The following POU3F3 variants were observed in gnomAD, a reference collection of about 807,000 sequenced individuals.
POU3F3 encodes the protein POU domain, class 3, transcription factor 3.
A neutral mutation model predicts 8.6 loss-of-function variants in POU3F3; 1 was observed. The observed-to-expected ratio is 0.12, with a 90% CI of 0.04 to 0.55. POU3F3 has a LOEUF of 0.55. POU3F3 is among the 20% of genes least tolerant of loss of function. The pLI, the probability that POU3F3 is intolerant of heterozygous loss-of-function variation, is 0.91. For synonymous variants in POU3F3, 418 were observed against 327.4 expected (o/e 1.28, Z -2.99); for missense variants, 577 against 690.7 (o/e 0.84, Z 1.84).
chr2:104,891,595 G>A, the POU3F3 span, among the ~76,000 whole-genome samples: 4 of 152,300 alleles, frequency 2.6e-5, no homozygotes, highest in East Asian at 7.7e-4. Flanking sequence ...AAATCCTGAA[G>A]AGGGGCTTCG....
chr2:104,855,908 C>A lies in POU3F3; in HGVS notation c.398C>A (p.Pro133His), dbSNP rs1212571227. The change falls in exon 1 of 1, where the codon CCC (proline) becomes CAC (histidine). Residue 133 changes from proline to histidine, a missense_variant. Pro to His is a moderately conservative substitution (Grantham distance 77). Transcript: ENST00000361360. ...AGCGCCGTGGGCATGGCTGGCAGCC[C>A]CCAGCAGCCACCGCAGCCGCCGCCG... ...SGSAVGMAGS[P>H]QQPPQPPPPP... 18 of 1,070,924 alleles carry A rather than the reference C, an allele frequency of 1.7e-5. No homozygotes were observed. Among genetic ancestry groups the A allele is most frequent in the Non-Finnish European group, 1.9e-5 (17 of 885,660 alleles). 66.3% of individuals were successfully genotyped at this position (1,070,924 alleles called of 1,614,324 possible).
chr2:104,917,151 C>G, the POU3F3 span, among the ~76,000 whole-genome samples: 2 of 152,224 alleles, frequency 1.3e-5, no homozygotes, highest in Non-Finnish European at 2.9e-5. Flanking sequence ...GAGACCCACA[C>G]CACTAGCTTT....
the POU3F3 span, among the ~76,000 whole-genome samples, chr2:104,917,904 A>G: frequency 6.6e-6 from 1 of 152,154 alleles, no homozygotes; most frequent in Non-Finnish European, 1.5e-5. Context: ...GAAGAAAGAT[A>G]TATTATCCTC....
At chr2:104,897,551 C>T in the POU3F3 span, among the ~76,000 whole-genome samples, 578 of 152,326 alleles carry the variant, frequency 3.8e-3, 3 homozygotes, top group African/African-American at 0.013. Context: ...CACAAGCCCA[C>T]TTAGTGGTGA....
downstream of POU3F3, among the ~76,000 whole-genome samples, chr2:104,861,329 A>G (rs919200615): frequency 4.6e-5 from 7 of 152,242 alleles, no homozygotes. Flanking sequence ...AAATGGATGC[A>G]ACAAGTATTG....
the POU3F3 span, chr2:104,872,253 G>A: frequency 2.4e-5 from 11 of 456,480 alleles, no homozygotes; most frequent in Non-Finnish European, 4.8e-5. This position sits in a 1 kb window ranked among gnomAD's most constrained non-coding sequence, Gnocchi z 4.6. Context: ...CACCCGGCAC[G>A]GTCCTTCCAT....
the POU3F3 span, among the ~76,000 whole-genome samples, chr2:104,883,555 C>T: frequency 6.6e-6 from 1 of 152,198 alleles, no homozygotes; most frequent in African/African-American, 2.4e-5. Flanking sequence ...GATTACACAG[C>T]AGCTTTGGAC....
the POU3F3 span, among the ~76,000 whole-genome samples, chr2:104,920,160 G>A: frequency 1.3e-3 from 194 of 152,242 alleles, no homozygotes; most frequent in Non-Finnish European, 2.0e-3. Flanking sequence ...AATTACAGGC[G>A]CATGCCATCA....
chr2:104,863,451 C>A (rs987569194), downstream of POU3F3, among the ~76,000 whole-genome samples: 2 of 152,034 alleles, frequency 1.3e-5, no homozygotes, highest in African/African-American at 4.8e-5. Context: ...TGGGTCTCTG[C>A]GCGACGTTTG....
At position 104,856,839 on chromosome 2, in the gene POU3F3, G is replaced by A. The variant is rs1676575568; in HGVS notation, c.1329G>A (p.Leu443=). Residue 443 remains leucine, a synonymous_variant, in exon 1 of 1, where the codon CTG becomes CTA. Coordinates refer to ENST00000361360, the MANE Select transcript of POU3F3 (RefSeq NM_006236.3). ...AGATCACCAACCTGGCCGACAGCCT[G>A]CAGCTCGAGAAGGAGGTGGTGCGGG... ...AQEITNLADS[L]QLEKEVVRVW... 5.0e-6 allele frequency: 8 copies of A among 1,614,110 alleles called. No homozygotes were observed. Among genetic ancestry groups the A allele is most frequent in the South Asian group, 4.4e-5 (4 of 91,090 alleles).
chr2:104,922,204 G>T, the POU3F3 span, among the ~76,000 whole-genome samples: 1 of 151,870 alleles, frequency 6.6e-6, no homozygotes, highest in East Asian at 1.9e-4. Context: ...TCTGATTACC[G>T]GAGTTACTAC....
chr2:104,880,990 A>C, the POU3F3 span, among the ~76,000 whole-genome samples: 1 of 152,218 alleles, frequency 6.6e-6, no homozygotes, highest in Non-Finnish European at 1.5e-5. Flanking sequence ...AAAATAACTT[A>C]TTACATTCAT....
the POU3F3 span, among the ~76,000 whole-genome samples, chr2:104,911,463 A>G: frequency 6.6e-6 from 1 of 151,598 alleles, no homozygotes; most frequent in Admixed American, 6.6e-5. Context: ...CAGTCATAAG[A>G]CATTGCAAGG....
At chr2:104,872,389 C>T in the POU3F3 span, 27 of 455,970 alleles carry the variant, frequency 5.9e-5, no homozygotes, top group South Asian at 3.7e-4. The surrounding 1 kb of genome is among the most constrained non-coding windows in gnomAD (Gnocchi z 4.6). Flanking sequence ...TGCAGAAAAC[C>T]GGGTATGGGG....
chr2:104,892,597 C>G, the POU3F3 span, among the ~76,000 whole-genome samples: 1 of 151,548 alleles, frequency 6.6e-6, no homozygotes, highest in Admixed American at 6.6e-5. Flanking sequence ...TCCCAAGTAA[C>G]TGGGACTACA....
the POU3F3 span, among the ~76,000 whole-genome samples, chr2:104,886,874 C>T: frequency 6.6e-6 from 1 of 151,904 alleles, no homozygotes; most frequent in East Asian, 1.9e-4. Context: ...CGCTATTGCA[C>T]TCCAGACTGG....
the POU3F3 span, among the ~76,000 whole-genome samples, chr2:104,927,108 T>C: frequency 6.6e-6 from 1 of 152,124 alleles, no homozygotes; most frequent in African/African-American, 2.4e-5. Flanking sequence ...TATATGTATA[T>C]GTATATATAG....
the POU3F3 span, among the ~76,000 whole-genome samples, chr2:104,918,153 C>A: frequency 1.3e-5 from 2 of 152,194 alleles, no homozygotes; most frequent in African/African-American, 2.4e-5. Context: ...CTTCCCAAGT[C>A]GTAAAATCCT....
At chr2:104,889,362 T>G in the POU3F3 span, among the ~76,000 whole-genome samples, 1 of 152,064 alleles carries the variant, frequency 6.6e-6, no homozygotes, top group Non-Finnish European at 1.5e-5. Flanking sequence ...CCTCGCAGAT[T>G]GAATGCCAGG....
Sources: allele counts gnomAD v4.1 joint callset (sites outside exome capture counted in the v4.1 genomes callset), GRCh38; gene constraint gnomAD v4.1.1; non-coding constraint Gnocchi (gnomAD v3.1); transcripts MANE v1.5; gene names NCBI Gene and HGNC (gene_info 2026-07-23, HGNC 2026-07-21).